CACNA1I: variants seen among roughly 807,000 people sequenced by gnomAD.
The protein encoded by CACNA1I is calcium voltage-gated channel subunit alpha1 I, also known as voltage-dependent T-type calcium channel subunit alpha-1I.
Under a neutral mutation model 201.6 loss-of-function variants are expected in CACNA1I, and 74 were observed. That is an observed-to-expected ratio of 0.37 (90% CI 0.30 to 0.45). The LOEUF (loss-of-function observed/expected upper bound fraction) is 0.45, where lower values mean the gene tolerates loss of function less well. Ranked by LOEUF, CACNA1I falls within the 20% of genes least tolerant of loss-of-function variation. The pLI, the probability that CACNA1I is intolerant of heterozygous loss-of-function variation, is 1.00. For synonymous variants in CACNA1I, 1,431 were observed against 1,345.2 expected (o/e 1.06, Z -1.40); for missense variants, 2,346 against 3,138.1 (o/e 0.75, Z 6.03).
At chr22:39,678,255 C>G in intron 31 of CACNA1I, 147 bp downstream of exon 31, 1 of 899,590 alleles carries the variant, frequency 1.1e-6, no homozygotes, top group South Asian at 1.7e-5. Context: ...GGGGCCTGCC[C>G]AGGACCAGCA....
Position 39,612,062 on chromosome 22 carries a change from A to G in CACNA1I, c.483-7248A>G, listed in dbSNP as rs981539717. 4.2e-4 allele frequency among the ~76,000 whole-genome samples: 64 copies of G among 152,160 alleles called. 1 individual carries two copies. The highest frequency in any genetic ancestry group is 1.3e-3 in the African/African-American group (53 of 41,424). ...TAATGCCAAGTGCAACAGAGTTGAG[A>G]GGTGGGACCTTTAAGAAGTGACCAG... On this transcript the variant is annotated intron_variant, in intron 3 of 36. Coordinates refer to ENST00000402142, the MANE Select transcript of CACNA1I (RefSeq NM_021096.4).
chr22:39,667,814 C>G (rs1234535572), intron 23 of CACNA1I, among the ~76,000 whole-genome samples: 1 of 152,172 alleles, frequency 6.6e-6, no homozygotes, highest in African/African-American at 2.4e-5. Flanking sequence ...AGCCTGGGCT[C>G]TGACCCAGGG....
At position 39,677,514 on chromosome 22, in the gene CACNA1I, C is replaced by A; in HGVS notation, c.4933+95C>A. On this transcript the variant is annotated intron_variant, in intron 30 of 36. Transcript: ENST00000402142. The surrounding 1 kb of genome is among the most constrained non-coding windows in gnomAD (Gnocchi z 4.8). Reference sequence around the variant, plus strand: ...GGAGGCCTGAGACCCCTGAGCCCGTCACATCAGGGTCTTTGTATTGGGGAG... The same window carrying A: ...GGAGGCCTGAGACCCCTGAGCCCGTAACATCAGGGTCTTTGTATTGGGGAG... 1 of 836,246 alleles carries A rather than the reference C, an allele frequency of 1.2e-6. No individual in the cohort carries two copies. Among genetic ancestry groups the A allele is most frequent in the Non-Finnish European group, 1.8e-6 (1 of 548,242 alleles). 51.8% of individuals were successfully genotyped at this position (836,246 alleles called of 1,614,324 possible). A position where few individuals can be genotyped will look rare whatever the true frequency, so the allele number is the denominator to read the frequency against.
intron 10 of CACNA1I, among the ~76,000 whole-genome samples, chr22:39,652,024 C>T (rs906498308): frequency 6.9e-6 from 1 of 145,018 alleles, no homozygotes; most frequent in Non-Finnish European, 1.5e-5. Context: ...TTTCCAACCT[C>T]GGATCTGGTG....
chr22:39,635,590 A>G (rs1934192813), intron 5 of CACNA1I, among the ~76,000 whole-genome samples: 1 of 152,170 alleles, frequency 6.6e-6, no homozygotes, highest in African/African-American at 2.4e-5. Context: ...GGGGAACAGT[A>G]GGGTACCTGG....
chr22:39,656,755 A>G (rs1267346613), intron 10 of CACNA1I: 2 of 518,866 alleles, frequency 3.9e-6, no homozygotes, highest in Non-Finnish European at 7.7e-6. Context: ...GCCCTGCCAC[A>G]TCCTTGCTAG....
intron 1 of CACNA1I, among the ~76,000 whole-genome samples, chr22:39,597,319 A>G (rs888752247): frequency 6.6e-6 from 1 of 152,154 alleles, no homozygotes; most frequent in Admixed American, 6.5e-5. Context: ...GGGACTGGAC[A>G]CTGCGGGCTG....
At chr22:39,593,543 A>G (rs898290671) in intron 1 of CACNA1I, among the ~76,000 whole-genome samples, 6 of 152,212 alleles carry the variant, frequency 3.9e-5, no homozygotes, top group Non-Finnish European at 7.3e-5. Flanking sequence ...TGTAGGCAGA[A>G]GGCGTGTTTG....
chr22:39,653,262 CTCTG>C (rs1241122752), intron 10 of CACNA1I, among the ~76,000 whole-genome samples: 4 of 152,282 alleles, frequency 2.6e-5, no homozygotes, highest in East Asian at 1.9e-4. Context: ...ATTTACCATC[CTCTG>C]TCTGGAGCCT....
intron 3 of CACNA1I, among the ~76,000 whole-genome samples, chr22:39,618,638 G>A (rs1236655111): frequency 2.0e-5 from 3 of 151,800 alleles, no homozygotes; most frequent in Non-Finnish European, 4.4e-5. Context: ...ATTTCCTACT[G>A]ACAGTGGTGA....
intron 19 of CACNA1I, 22 bp downstream of exon 19, chr22:39,663,863 G>C (rs753944433): frequency 6.2e-7 from 1 of 1,612,686 alleles, no homozygotes; most frequent in South Asian, 1.1e-5. Flanking sequence ...TAGCCTTTGG[G>C]CAGGGCAGGC....
At chr22:39,573,519 T>C (rs1012142584) in intron 1 of CACNA1I, among the ~76,000 whole-genome samples, 1 of 152,062 alleles carries the variant, frequency 6.6e-6, no homozygotes, top group Non-Finnish European at 1.5e-5. Flanking sequence ...CTCCTCTCTC[T>C]GAGCCTCAGC....
chr22:39,685,408 C>T lies in CACNA1I; in HGVS notation c.6028-353C>T, dbSNP rs1039268003. 2.7e-5 allele frequency among the ~76,000 whole-genome samples: 3 copies of T among 112,032 alleles called. No homozygotes were observed. Among genetic ancestry groups the T allele is most frequent in the African/African-American group, 1.1e-4 (3 of 28,120 alleles). The allele number at this position is 112,032 out of a possible 152,430, so 73.5% of individuals were successfully genotyped here. The stretch of plus-strand genomic sequence containing the variant: ...CCGGAACCAGTGGGAGCAGCCAAGG[C>T]TGGGGCCGCGTCAGACCATGGGGGG... On this transcript the variant is annotated intron_variant, in intron 36 of 36. Transcript: ENST00000402142. The surrounding 1 kb of genome is among the most constrained non-coding windows in gnomAD (Gnocchi z 5.0).
intron 1 of CACNA1I, among the ~76,000 whole-genome samples, chr22:39,596,290 AT>A (rs1932889281): frequency 2.1e-3 from 1 of 484 alleles, no homozygotes. Context: ...GCGGAGGGAG[AT>A]GGGGGAGCAG....
chr22:39,656,667 A>C (rs1934833618), intron 10 of CACNA1I: 1 of 518,806 alleles, frequency 1.9e-6, no homozygotes, highest in South Asian at 1.4e-5. Context: ...TGAATGAATG[A>C]ATGAATTTGG....
chr22:39,619,061 C>T (rs1933647647), intron 3 of CACNA1I, among the ~76,000 whole-genome samples: 1 of 152,182 alleles, frequency 6.6e-6, no homozygotes, highest in Admixed American at 6.5e-5. Flanking sequence ...CAGTGGGAGC[C>T]CAACATCTGT....
At chr22:39,590,723 G>C (rs1192991740) in intron 1 of CACNA1I, among the ~76,000 whole-genome samples, 1 of 152,240 alleles carries the variant, frequency 6.6e-6, no homozygotes, top group Non-Finnish European at 1.5e-5. Flanking sequence ...ACCACCTCCT[G>C]TGGCCTTAGT....
intron 10 of CACNA1I, among the ~76,000 whole-genome samples, chr22:39,657,081 G>A (rs1283214678): frequency 2.6e-5 from 4 of 152,134 alleles, no homozygotes; most frequent in African/African-American, 4.8e-5. Flanking sequence ...GAGGAGGGGG[G>A]AAGCAACTTT....
intron 1 of CACNA1I, among the ~76,000 whole-genome samples, chr22:39,588,452 C>T (rs1932784845): frequency 6.9e-6 from 1 of 145,022 alleles, no homozygotes; most frequent in Non-Finnish European, 1.5e-5. Context: ...GTGGCGTGAT[C>T]TCGGCTCACT....
Sources: allele counts gnomAD v4.1 joint callset (sites outside exome capture counted in the v4.1 genomes callset), GRCh38; gene constraint gnomAD v4.1.1; non-coding constraint Gnocchi (gnomAD v3.1); transcripts MANE v1.5; gene names NCBI Gene and HGNC (gene_info 2026-07-23, HGNC 2026-07-21).